Variants in APBB1IP observed in about 807,000 individuals in gnomAD.
The protein encoded by APBB1IP is amyloid beta precursor protein binding family B member 1 interacting protein.
A neutral mutation model predicts 64.9 loss-of-function variants in APBB1IP; 27 were observed. The ratio of observed to expected loss-of-function variants is 0.42; its 90% CI spans 0.31 to 0.57. The LOEUF (loss-of-function observed/expected upper bound fraction) is 0.57, where lower values mean the gene tolerates loss of function less well. Ranked by LOEUF, APBB1IP falls within the 20% of genes least tolerant of loss-of-function variation. The pLI is 0.20. For missense variants in APBB1IP, 812 were observed against 845.5 expected (o/e 0.96, Z 0.49); for synonymous variants, 392 against 331.0 (o/e 1.18, Z -2.00).
At chr10:26,513,917 G>A (rs574263743) in intron 8 of APBB1IP, among the ~76,000 whole-genome samples, 79 of 152,252 alleles carry the variant, frequency 5.2e-4, no homozygotes, top group African/African-American at 6.7e-4. Context: ...GTATTTTTTA[G>A]TAGAGACAGG....
intron 6 of APBB1IP, among the ~76,000 whole-genome samples, chr10:26,503,604 C>T (rs1166938480): frequency 6.6e-6 from 1 of 151,948 alleles, no homozygotes; most frequent in South Asian, 2.1e-4. Flanking sequence ...CACTGCACTC[C>T]AGCCTGGGAG....
intron 2 of APBB1IP, among the ~76,000 whole-genome samples, chr10:26,467,510 A>C (rs1835663148): frequency 6.6e-6 from 1 of 152,196 alleles, no homozygotes; most frequent in South Asian, 2.1e-4. Context: ...TGGGCAACAT[A>C]GTGAGACTTT....
intron 2 of APBB1IP, among the ~76,000 whole-genome samples, chr10:26,482,845 G>A (rs1835851020): frequency 6.6e-6 from 1 of 151,650 alleles, no homozygotes; most frequent in African/African-American, 2.4e-5. Flanking sequence ...CAGCACTTTG[G>A]GAGGCTGAGG....
intron 2 of APBB1IP, among the ~76,000 whole-genome samples, chr10:26,458,386 G>C (rs567112348): frequency 6.6e-6 from 1 of 151,192 alleles, no homozygotes; most frequent in Non-Finnish European, 1.5e-5. Context: ...AGACTCTGTC[G>C]AAAGGAAGGA....
chr10:26,534,620 C>G (rs1187202930), intron 9 of APBB1IP, among the ~76,000 whole-genome samples: 4 of 152,182 alleles, frequency 2.6e-5, no homozygotes, highest in Non-Finnish European at 5.9e-5. Context: ...TTGCGCATGT[C>G]TTTTCCCTGC....
intron 6 of APBB1IP, among the ~76,000 whole-genome samples, chr10:26,510,379 A>G (rs913492832): frequency 3.9e-5 from 6 of 152,222 alleles, no homozygotes; most frequent in African/African-American, 1.4e-4. Context: ...ATTTGGAATG[A>G]GATTACTACC....
intron 8 of APBB1IP, among the ~76,000 whole-genome samples, chr10:26,520,194 T>G (rs1588600437): frequency 6.6e-6 from 1 of 152,246 alleles, no homozygotes. Flanking sequence ...ACTTGCTTTC[T>G]GCTTTTCCAC....
intron 8 of APBB1IP, among the ~76,000 whole-genome samples, chr10:26,521,909 C>T (rs1040814813): frequency 9.2e-5 from 14 of 152,070 alleles, no homozygotes; most frequent in African/African-American, 3.4e-4. Flanking sequence ...CGCCACCATG[C>T]CCAGCTAATT....
chr10:26,567,305 C>T lies in APBB1IP; in HGVS notation c.1818C>T (p.Pro606=). ...TGCCCCCGCCGCCGCCGCCGCCGCC[C>T]GCGCCCGCGCCCGCCCCCGTCCCCG... ...SELPPPPPPP[P]APAPAPVPDS... Residue 606 remains proline, a synonymous_variant, in exon 15 of 15, where the codon CCC becomes CCT. Coordinates refer to ENST00000376236, the MANE Select transcript of APBB1IP (RefSeq NM_019043.4). 1 of 1,072,324 alleles carries T rather than the reference C, an allele frequency of 9.3e-7. No homozygotes were observed. Among genetic ancestry groups the T allele is most frequent in the Non-Finnish European group, 1.1e-6 (1 of 872,056 alleles). 66.4% of individuals were successfully genotyped at this position (1,072,324 alleles called of 1,614,324 possible). A position where few individuals can be genotyped will look rare whatever the true frequency, so the allele number is the denominator to read the frequency against.
intron 2 of APBB1IP, among the ~76,000 whole-genome samples, chr10:26,459,647 T>G (rs1343731813): frequency 1.3e-5 from 2 of 152,228 alleles, no homozygotes; most frequent in Non-Finnish European, 2.9e-5. Context: ...ATTGTCCTTT[T>G]GAAATTTTCT....
At chr10:26,530,231 T>TTC (rs201008322) in intron 8 of APBB1IP, among the ~76,000 whole-genome samples, 16,496 of 63,186 alleles carry the variant, frequency 0.26, 1,265 homozygotes, top group East Asian at 0.35. Context: ...TCTTTTTCTT[T>TTC]TTTTTTTTTT....
Position 26,553,082 on chromosome 10 carries a change from C to G in APBB1IP, c.1156-7023C>G, listed in dbSNP as rs190222805. ...TGTCGCCCAGGCTGGAGTGCAGTGG[C>G]GCGATCTCAGCTCACTGCAACCTCC... On this transcript the variant is annotated intron_variant, in intron 11 of 14. Transcript: ENST00000376236. Among the ~76,000 whole-genome samples, 700 of 152,066 alleles carry G rather than the reference C, an allele frequency of 4.6e-3. 4 individuals carry two copies. Among genetic ancestry groups the G allele is most frequent in the Non-Finnish European group, 8.4e-3 (574 of 67,980 alleles).
intron 2 of APBB1IP, among the ~76,000 whole-genome samples, chr10:26,453,170 G>T (rs1835483730): frequency 6.6e-6 from 1 of 152,202 alleles, no homozygotes; most frequent in East Asian, 1.9e-4. Flanking sequence ...TCAAAGTCGT[G>T]ATTCTGATGC....
In APBB1IP at chr10:26,567,671, T is replaced by C; in HGVS notation, c.*183T>C. 7.5e-7 allele frequency: 1 copy of C among 1,325,478 alleles called. No homozygotes were observed. The highest frequency in any genetic ancestry group is 9.8e-7 in the Non-Finnish European group (1 of 1,020,018). 82.1% of individuals were successfully genotyped at this position (1,325,478 alleles called of 1,614,324 possible). The stretch of plus-strand genomic sequence containing the variant: ...AGAGTTCAGAATATCTGCCCAAATG[T>C]ACATATCGTTCCCATGTATTTTAAC... On this transcript the variant is annotated 3_prime_UTR_variant, in exon 15 of 15. Coordinates refer to ENST00000376236, the MANE Select transcript of APBB1IP (RefSeq NM_019043.4).
intron 4 of APBB1IP, among the ~76,000 whole-genome samples, chr10:26,497,538 G>A (rs1836041544): frequency 1.3e-5 from 2 of 151,248 alleles, no homozygotes; most frequent in Admixed American, 6.6e-5. Context: ...GCGGCAGAGC[G>A]AGACTCTGCC....
At chr10:26,449,332 A>G (rs920445824) in intron 2 of APBB1IP, among the ~76,000 whole-genome samples, 3 of 152,102 alleles carry the variant, frequency 2.0e-5, no homozygotes, top group African/African-American at 7.2e-5. Flanking sequence ...TGTGAAAGAG[A>G]GAGAGAATAA....
intron 11 of APBB1IP, among the ~76,000 whole-genome samples, chr10:26,548,080 C>G (rs1206868877): frequency 6.6e-6 from 1 of 152,178 alleles, no homozygotes; most frequent in Admixed American, 6.5e-5. Context: ...GTGACTCCTC[C>G]AGCTTTGTTC....
chr10:26,440,126 A>G (rs559986616), intron 2 of APBB1IP, among the ~76,000 whole-genome samples: 16 of 152,308 alleles, frequency 1.1e-4, no homozygotes, highest in African/African-American at 3.4e-4. Context: ...AACTATTAAT[A>G]ATTACTAATA....
At chr10:26,500,472 A>G (rs1258728636) in intron 4 of APBB1IP, among the ~76,000 whole-genome samples, 1 of 152,130 alleles carries the variant, frequency 6.6e-6, no homozygotes. Flanking sequence ...CTAAAACTCT[A>G]AGATGTTACA....
Sources: gnomAD v4.1 joint callset for allele counts (sites outside exome capture counted in the v4.1 genomes callset) on GRCh38, gnomAD v4.1.1 for gene constraint, MANE v1.5 for transcripts, NCBI Gene and HGNC (gene_info 2026-07-23, HGNC 2026-07-21) for gene names.